The following SBF2 variants were observed in gnomAD, a reference collection of about 807,000 sequenced individuals.
SBF2 encodes the protein SET binding factor 2.
Under a neutral mutation model 225.2 loss-of-function variants are expected in SBF2, and 112 were observed. The ratio of observed to expected loss-of-function variants is 0.50; its 90% CI spans 0.43 to 0.58. SBF2 has a LOEUF of 0.58. SBF2 is among the 20% of genes least tolerant of loss of function. The probability of loss-of-function intolerance (pLI) is 0.00; values close to 1 mark genes in which losing one functional copy is unlikely to be tolerated. For synonymous variants in SBF2, 763 were observed against 773.3 expected (o/e 0.99, Z 0.22); for missense variants, 1,996 against 2,206.2 (o/e 0.90, Z 1.91).
At chr11:10,156,793 T>C (rs1955497004) in intron 2 of SBF2, among the ~76,000 whole-genome samples, 1 of 152,166 alleles carries the variant, frequency 6.6e-6, no homozygotes, top group Non-Finnish European at 1.5e-5. Flanking sequence ...GGAAAAACAT[T>C]CCATGCTTAT....
intron 31 of SBF2, 70 bp from the exon 32 acceptor site, chr11:9,808,255 A>T: frequency 7.5e-7 from 1 of 1,336,918 alleles, no homozygotes; most frequent in Non-Finnish European, 1.1e-6. Flanking sequence ...AGATAAAAGC[A>T]CTTCCTTCTG....
chr11:9,779,036 C>T lies in SBF2; in HGVS notation c.*1382G>A, dbSNP rs1851873390. 6.6e-6 allele frequency: 1 copy of T among 152,632 alleles called. No individual in the cohort carries two copies. The highest frequency in any genetic ancestry group is 2.4e-5 in the African/African-American group (1 of 41,464). The allele number at this position is 152,632 out of a possible 1,614,324, so 9.5% of individuals were successfully genotyped here. Reference sequence around the variant, plus strand: ...AAATGGAAATGATAGAAAAGTCCTTCATTCTTAATTATCCCCAGATTTCTT... The same window carrying T: ...AAATGGAAATGATAGAAAAGTCCTTTATTCTTAATTATCCCCAGATTTCTT... On this transcript the variant is annotated 3_prime_UTR_variant, in exon 40 of 40. Transcript: ENST00000256190.
chr11:9,887,202 A>G (rs541656259), intron 17 of SBF2, among the ~76,000 whole-genome samples: 7 of 151,968 alleles, frequency 4.6e-5, no homozygotes, highest in South Asian at 4.1e-4. Flanking sequence ...TCAGAAAAAT[A>G]TTTCATAAAA....
intron 17 of SBF2, among the ~76,000 whole-genome samples, chr11:9,871,577 C>T (rs1000853914): frequency 7.9e-5 from 12 of 151,316 alleles, no homozygotes; most frequent in East Asian, 1.9e-4. Context: ...CTGCAAGCTC[C>T]GCCTCCTGGG....
At chr11:10,116,615 C>T (rs988440982) in intron 2 of SBF2, among the ~76,000 whole-genome samples, 2 of 152,128 alleles carry the variant, frequency 1.3e-5, no homozygotes, top group African/African-American at 2.4e-5. Context: ...CTTGCAAGGC[C>T]CTCTATTACC....
At chr11:10,277,033 G>C (rs1372461889) in intron 1 of SBF2, among the ~76,000 whole-genome samples, 5 of 149,556 alleles carry the variant, frequency 3.3e-5, no homozygotes, top group Non-Finnish European at 5.9e-5. Flanking sequence ...GGGGTTCCAG[G>C]CCAGCCTGGT....
At chr11:10,279,242 T>C (rs1158383542) in intron 1 of SBF2, among the ~76,000 whole-genome samples, 1 of 148,228 alleles carries the variant, frequency 6.7e-6, no homozygotes, top group Non-Finnish European at 1.5e-5. Flanking sequence ...TGAAACCCCA[T>C]CTCTACTAAA....
At chr11:9,843,372 G>T (rs551776152) in intron 24 of SBF2, among the ~76,000 whole-genome samples, 43 of 152,302 alleles carry the variant, frequency 2.8e-4, no homozygotes, top group African/African-American at 9.6e-4. Context: ...AGAAAAATAA[G>T]AAATCAGAAA....
chr11:10,058,853 T>G lies in SBF2; in HGVS notation c.142-15872A>C, dbSNP rs567683783. ...AGCCAGAAGAGATTGGGGGCCTATA[T>G]TCAACATTAATAAAGAAAAAAACCT... On this transcript the variant is annotated intron_variant, in intron 2 of 39. Coordinates refer to ENST00000256190, the MANE Select transcript of SBF2 (RefSeq NM_030962.4). 3.3e-5 allele frequency among the ~76,000 whole-genome samples: 5 copies of G among 152,236 alleles called. No individual in the cohort carries two copies. In the South Asian group the frequency reaches 1.0e-3, roughly 32 times the overall value.
At chr11:10,085,793 C>T (rs1198628774) in intron 2 of SBF2, among the ~76,000 whole-genome samples, 1 of 151,886 alleles carries the variant, frequency 6.6e-6, no homozygotes, top group African/African-American at 2.4e-5. Flanking sequence ...CTTCCTTCTC[C>T]CTGCTCATAC....
chr11:10,053,499 T>C (rs1049907374), intron 2 of SBF2, among the ~76,000 whole-genome samples: 1 of 152,182 alleles, frequency 6.6e-6, no homozygotes, highest in African/African-American at 2.4e-5. Context: ...GATTTGTGAA[T>C]AAAGTAACAG....
intron 2 of SBF2, among the ~76,000 whole-genome samples, chr11:10,086,736 T>G (rs139424959): frequency 2.0e-5 from 3 of 152,314 alleles, no homozygotes; most frequent in Admixed American, 1.3e-4. Flanking sequence ...TCAACAAAGT[T>G]TTACTTAGCT....
At chr11:9,824,194 T>C (rs1035290368) in intron 28 of SBF2, among the ~76,000 whole-genome samples, 2 of 152,190 alleles carry the variant, frequency 1.3e-5, no homozygotes, top group African/African-American at 2.4e-5. Flanking sequence ...TAACCACTAC[T>C]GGGAATTCCC....
chr11:10,132,804 G>T (rs557419221), intron 2 of SBF2, among the ~76,000 whole-genome samples: 1 of 148,848 alleles, frequency 6.7e-6, no homozygotes, highest in Non-Finnish European at 1.5e-5. Context: ...TGATTGGTAG[G>T]GCCGAGTGGC....
intron 1 of SBF2, among the ~76,000 whole-genome samples, chr11:10,231,586 T>C (rs971430878): frequency 6.6e-6 from 1 of 152,204 alleles, no homozygotes; most frequent in Non-Finnish European, 1.5e-5. Context: ...CAGACCCTGT[T>C]TGCCTCGGTA....
At chr11:10,016,343 A>T (rs1180812804) in intron 6 of SBF2, 2 of 152,182 alleles carry the variant, frequency 1.3e-5, no homozygotes, top group African/African-American at 4.8e-5. Context: ...TAGGAACAAT[A>T]TTCTAGTGCT....
intron 16 of SBF2, among the ~76,000 whole-genome samples, chr11:9,912,026 T>G (rs1862664140): frequency 6.6e-6 from 1 of 152,230 alleles, no homozygotes; most frequent in African/African-American, 2.4e-5. Context: ...ATTTTTTTTG[T>G]TATTTTTTAG....
At chr11:9,903,049 C>T (rs755626305) in intron 16 of SBF2, among the ~76,000 whole-genome samples, 24 of 152,086 alleles carry the variant, frequency 1.6e-4, no homozygotes, top group Admixed American at 3.9e-4. Context: ...TGGCCGTGCG[C>T]GGTGACTCAC....
At chr11:9,915,273 C>T (rs1267522734) in intron 16 of SBF2, among the ~76,000 whole-genome samples, 1 of 151,712 alleles carries the variant, frequency 6.6e-6, no homozygotes, top group African/African-American at 2.4e-5. Flanking sequence ...ATGGTGAAAC[C>T]CTATCTCTAC....
Sources: gnomAD v4.1 joint callset for allele counts (sites outside exome capture counted in the v4.1 genomes callset) on GRCh38, gnomAD v4.1.1 for gene constraint, MANE v1.5 for transcripts, NCBI Gene and HGNC (gene_info 2026-07-23, HGNC 2026-07-21) for gene names.